The following RHBDF2 variants were observed in gnomAD, a reference collection of about 807,000 sequenced individuals.
RHBDF2 encodes the protein rhomboid 5 homolog 2, also known as inactive rhomboid protein 2.
A neutral mutation model predicts 95.2 loss-of-function variants in RHBDF2; 38 were observed. The ratio of observed to expected loss-of-function variants is 0.40; its 90% CI spans 0.31 to 0.52. The LOEUF is 0.52. RHBDF2 is among the 20% of genes least tolerant of loss of function. RHBDF2 has a pLI of 0.56. For synonymous variants in RHBDF2, 442 were observed against 462.0 expected (o/e 0.96, Z 0.55); for missense variants, 863 against 1,137.7 (o/e 0.76, Z 3.47).
chr17:76,473,614 T>C (rs370621586), intron 15 of RHBDF2, 34 bp downstream of exon 15: 16 of 1,553,260 alleles, frequency 1.0e-5, no homozygotes, highest in African/African-American at 4.1e-5. Context: ...GGGGGGGCAG[T>C]GGGATGGCTG....
chr17:76,473,251 C>T lies in RHBDF2; in HGVS notation c.1809+1G>A. ...ACTACTCCAGGCCTGCCTCGCCTCA[C>T]CTGGGAGCAGAGTGTTGCTTCCTCA... On this transcript the variant is annotated splice_donor_variant, in intron 16 of 18. Coordinates refer to ENST00000675367, the MANE Select transcript of RHBDF2 (RefSeq NM_001005498.4). LOFTEE classifies it high-confidence loss of function. The T allele has an allele frequency of 6.2e-7, 1 of 1,612,450 alleles. No homozygotes were observed. The highest frequency in any genetic ancestry group is 8.5e-7 in the Non-Finnish European group (1 of 1,179,240).
chr17:76,495,703 C>T (rs1005371221), intron 1 of RHBDF2, among the ~76,000 whole-genome samples: 2 of 152,138 alleles, frequency 1.3e-5, no homozygotes, highest in African/African-American at 2.4e-5. Context: ...ATCCCTGGGC[C>T]CTCACCTCGA....
chr17:76,477,078 C>T (rs2073795831), intron 8 of RHBDF2, 54 bp from the exon 9 acceptor site: 1 of 1,611,268 alleles, frequency 6.2e-7, no homozygotes, highest in African/African-American at 1.3e-5. Context: ...ACTCCCAGAC[C>T]CCACCAGGGT....
chr17:76,473,604 G>T, intron 15 of RHBDF2, 44 bp downstream of exon 15: 1 of 1,493,602 alleles, frequency 6.7e-7, no homozygotes, highest in South Asian at 1.2e-5. Context: ...GCCGCAGCTC[G>T]GGGGGGCAGT....
chr17:76,479,312 C>T (rs2073874072), intron 4 of RHBDF2, 35 bp from the exon 5 acceptor site: 1 of 1,562,260 alleles, frequency 6.4e-7, no homozygotes, highest in African/African-American at 1.3e-5. Flanking sequence ...TGGGCATACG[C>T]TTGTCTACGC....
intron 4 of RHBDF2, 45 bp downstream of exon 4, chr17:76,479,688 G>A (rs762725383): frequency 4.8e-6 from 7 of 1,469,680 alleles, no homozygotes; most frequent in Non-Finnish European, 6.5e-6. Context: ...AGAATCCACA[G>A]GTTGCTGGGT....
intron 1 of RHBDF2, among the ~76,000 whole-genome samples, chr17:76,498,191 T>G (rs1475845243): frequency 2.0e-5 from 3 of 152,004 alleles, no homozygotes; most frequent in Non-Finnish European, 4.4e-5. Flanking sequence ...TGTCCCTGCC[T>G]AGCCACCACC....
At chr17:76,491,566 C>CAGCG (rs1363000549) in intron 1 of RHBDF2, among the ~76,000 whole-genome samples, 1 of 152,234 alleles carries the variant, frequency 6.6e-6, no homozygotes, top group Non-Finnish European at 1.5e-5. Context: ...GAGGCCTGGG[C>CAGCG]AGCGGCCTGA....
intron 1 of RHBDF2, among the ~76,000 whole-genome samples, chr17:76,490,181 G>T (rs1253877316): frequency 1.3e-5 from 2 of 152,242 alleles, no homozygotes; most frequent in Non-Finnish European, 2.9e-5. Flanking sequence ...GTGCAGAGGA[G>T]AAATCTTGAG....
chr17:76,488,872 TG>T (rs2074218991), intron 1 of RHBDF2, among the ~76,000 whole-genome samples: 1 of 151,570 alleles, frequency 6.6e-6, no homozygotes, highest in Non-Finnish European at 1.5e-5. Flanking sequence ...CACTTAAACA[TG>T]GGAGGCGGAG....
intron 1 of RHBDF2, among the ~76,000 whole-genome samples, chr17:76,493,464 A>G (rs968138994): frequency 6.6e-6 from 1 of 152,182 alleles, no homozygotes; most frequent in Non-Finnish European, 1.5e-5. Context: ...AAGGGGCAAG[A>G]GTAAAGGGCA....
chr17:76,478,829 G>C lies in RHBDF2; in HGVS notation c.649C>G (p.Gln217Glu). Residue 217 changes from glutamine to glutamate, a missense_variant, in exon 6 of 19, where the codon CAA becomes GAA. Physicochemically the swap from Gln to Glu is conservative, Grantham distance 29. This residue lies in a region of RHBDF2 where 611 missense variants were observed against 725.5 expected (regional missense o/e 0.84). Transcript: ENST00000675367. Reference sequence around the variant, plus strand: ...ACCTTGAGGAGGGCAGCGGCAGCTTGCAAGCTCATGTGGGCCACAGACATT... The same window carrying C: ...ACCTTGAGGAGGGCAGCGGCAGCTTCCAAGCTCATGTGGGCCACAGACATT... ...KRMSVAHMSL[Q>E]AAAALLKGRS... 6.2e-7 allele frequency: 1 copy of C among 1,613,200 alleles called. No homozygotes were observed. Among genetic ancestry groups the C allele is most frequent in the Non-Finnish European group, 8.5e-7 (1 of 1,179,658 alleles).
At chr17:76,490,160 C>G (rs1732343677) in intron 1 of RHBDF2, among the ~76,000 whole-genome samples, 1 of 152,218 alleles carries the variant, frequency 6.6e-6, no homozygotes. Context: ...ATTTGGGGAG[C>G]AGAATGCTGG....
intron 1 of RHBDF2, among the ~76,000 whole-genome samples, chr17:76,489,991 C>T (rs1272789250): frequency 6.6e-6 from 1 of 152,216 alleles, no homozygotes; most frequent in Non-Finnish European, 1.5e-5. Flanking sequence ...GAACTTGGTC[C>T]AGCATTCCAG....
intron 1 of RHBDF2, among the ~76,000 whole-genome samples, chr17:76,498,531 A>G (rs1487027223): frequency 2.0e-5 from 3 of 151,994 alleles, no homozygotes; most frequent in Non-Finnish European, 2.9e-5. Context: ...CCACTCGCAC[A>G]CTCACGGGCA....
At chr17:76,474,623 C>T (rs775248875) in intron 11 of RHBDF2, 89 bp from the exon 12 acceptor site, 149 of 1,611,536 alleles carry the variant, frequency 9.2e-5, no homozygotes, top group Non-Finnish European at 1.2e-4. Context: ...GCAGAGTCTC[C>T]CCTGATGAGG....
intron 1 of RHBDF2, among the ~76,000 whole-genome samples, chr17:76,498,209 AG>A (rs773675702): frequency 2.0e-5 from 3 of 151,838 alleles, no homozygotes; most frequent in Non-Finnish European, 4.4e-5. Flanking sequence ...ACCACCGCCG[AG>A]GTCAGCCTGT....
In RHBDF2 at chr17:76,474,546, A is replaced by T; in HGVS notation, c.1303-12T>A. On this transcript the variant is annotated splice_polypyrimidine_tract_variant and intron_variant, in intron 11 of 18. Transcript: ENST00000675367. ...TGGATCAGGTCAATCTGGGGAAGGG[A>T]AAGGGAGGGGAGAGAGTGAGTTTGA... is the stretch of plus-strand genomic sequence containing the variant. 6.2e-7 allele frequency: 1 copy of T among 1,613,852 alleles called. No homozygotes were observed. Among genetic ancestry groups the T allele is most frequent in the Non-Finnish European group, 8.5e-7 (1 of 1,179,854 alleles).
chr17:76,475,392 T>C (rs1378099198), intron 9 of RHBDF2, among the ~76,000 whole-genome samples: 1 of 152,192 alleles, frequency 6.6e-6, no homozygotes, highest in Non-Finnish European at 1.5e-5. Context: ...GCTGCAAAGC[T>C]TTGCCTGACC....
Sources: allele counts gnomAD v4.1 joint callset (sites outside exome capture counted in the v4.1 genomes callset), GRCh38; gene constraint gnomAD v4.1.1; regional missense constraint gnomAD v4.1.1; transcripts MANE v1.5; gene names NCBI Gene and HGNC (gene_info 2026-07-23, HGNC 2026-07-21).